The following ZNF143 variants were observed in gnomAD, a reference collection of about 807,000 sequenced individuals.
ZNF143 encodes SPH-binding factor.
In ZNF143, 49 loss-of-function variants were observed where a neutral mutation model predicts 74.1. The observed-to-expected ratio is 0.66, with a 90% confidence interval of 0.53 to 0.84. ZNF143 has a LOEUF of 0.84. Ranked by LOEUF, ZNF143 falls within the 40% of genes least tolerant of loss-of-function variation. ZNF143 has a pLI of 0.00. For synonymous variants in ZNF143, 304 were observed against 282.8 expected (o/e 1.07, Z -0.75); for missense variants, 637 against 793.4 (o/e 0.80, Z 2.37).
intron 7 of ZNF143, among the ~76,000 whole-genome samples, chr11:9,481,870 A>G (rs1193369699): frequency 7.1e-6 from 1 of 140,516 alleles, no homozygotes; most frequent in African/African-American, 2.7e-5. Context: ...CCTGGGCAAC[A>G]GAGTGAGACT....
intron 11 of ZNF143, among the ~76,000 whole-genome samples, chr11:9,506,520 T>C (rs1202028306): frequency 6.6e-6 from 1 of 152,208 alleles, no homozygotes; most frequent in Admixed American, 6.5e-5. Flanking sequence ...TGTATCTCTT[T>C]AAAATAGACT....
rs58704619 is a variant in ZNF143, at chr11:9,483,288, C to CTTTTTTT, written c.645+3762_645+3768dup. Among the ~76,000 whole-genome samples the CTTTTTTT allele has an allele frequency of 3.8e-3, 189 of 50,210 alleles. 54 individuals are homozygous for CTTTTTTT. The highest frequency in any genetic ancestry group is 5.6e-3 in the Non-Finnish European group (156 of 28,068). 32.9% of individuals were successfully genotyped at this position (50,210 alleles called of 152,430 possible). On this transcript the variant is annotated intron_variant, in intron 7 of 15. Coordinates refer to ENST00000396602, the MANE Select transcript of ZNF143 (RefSeq NM_003442.6). ...GGATTACAGGTGTGAGCCAACATGC[C>CTTTTTTT]TTTTTTTTTTTTTTTTTTTTTTTTT...
chr11:9,506,257 A>C (rs947307704), intron 11 of ZNF143, among the ~76,000 whole-genome samples: 2 of 152,126 alleles, frequency 1.3e-5, no homozygotes, highest in Non-Finnish European at 2.9e-5. Flanking sequence ...ACTTGAATCC[A>C]GGAGGTGGAG....
chr11:9,464,367 G>C (rs1590481325), intron 1 of ZNF143, among the ~76,000 whole-genome samples: 1 of 152,192 alleles, frequency 6.6e-6, no homozygotes, highest in Non-Finnish European at 1.5e-5. Context: ...TTGGGAGGCT[G>C]AGGCAGGTGG....
chr11:9,471,855 A>G (rs1452752747), intron 2 of ZNF143, among the ~76,000 whole-genome samples: 2 of 144,398 alleles, frequency 1.4e-5, no homozygotes, highest in African/African-American at 5.1e-5. Flanking sequence ...CCCAGCCTCT[A>G]TGTGTATTTT....
At chr11:9,480,750 G>A (rs1408983474) in intron 7 of ZNF143, among the ~76,000 whole-genome samples, 1 of 151,956 alleles carries the variant, frequency 6.6e-6, no homozygotes, top group African/African-American at 2.4e-5. Flanking sequence ...AGCCAGGTGT[G>A]GTGGCTAGTG....
Position 9,501,129 on chromosome 11 carries a change from C to G in ZNF143, c.1006C>G (p.Arg336Gly). The change falls in exon 11 of 16, where the codon CGG (arginine) becomes GGG (glycine). Residue 336 changes from arginine to glycine, a missense_variant. Physicochemically the swap from Arg to Gly is moderately radical, Grantham distance 125. Transcript: ENST00000396602. Reference sequence around the variant, plus strand: ...TAAGTGTCCCTTCGAAGGCTGCGGTCGGTCCTTTACAACATCAAATATCAG... The same window carrying G: ...TAAGTGTCCCTTCGAAGGCTGCGGTGGGTCCTTTACAACATCAAATATCAG... ...PFKCPFEGCG[R>G]SFTTSNIRKV... The G allele has an allele frequency of 1.9e-6, 3 of 1,614,118 alleles. No homozygotes were observed. Among genetic ancestry groups the G allele is most frequent in the Non-Finnish European group, 2.5e-6 (3 of 1,180,040 alleles).
intron 11 of ZNF143, among the ~76,000 whole-genome samples, chr11:9,506,986 A>G (rs1263205210): frequency 6.6e-6 from 1 of 152,056 alleles, no homozygotes; most frequent in Non-Finnish European, 1.5e-5. Flanking sequence ...GATTTTTCCA[A>G]GTTGAAATTG....
rs551543242 is a variant in ZNF143 at position 9,504,475 on chromosome 11, T to C, written c.1147+3205T>C. Among the ~76,000 whole-genome samples, 227 of 126,038 alleles carry C rather than the reference T, an allele frequency of 1.8e-3. 28 individuals carry two copies. The highest frequency in any genetic ancestry group is 4.9e-3 in the African/African-American group (194 of 39,344). 82.7% of individuals were successfully genotyped at this position (126,038 alleles called of 152,430 possible). On this transcript the variant is annotated intron_variant, in intron 11 of 15. Coordinates refer to ENST00000396602, the MANE Select transcript of ZNF143 (RefSeq NM_003442.6). ...TGGTTTTTTAATTCTCTTAATGATATTTGCAGTATAGAAGCTTTTAATTTT... is the reference window on the plus strand; with the variant it reads ...TGGTTTTTTAATTCTCTTAATGATACTTGCAGTATAGAAGCTTTTAATTTT...
chr11:9,516,345 G>T lies in ZNF143; in HGVS notation c.1669G>T (p.Gly557Cys). The change falls in exon 14 of 16, where the codon GGT (glycine) becomes TGT (cysteine). Residue 557 changes from glycine (G) to cysteine (C), a missense_variant. Physicochemically the swap from Gly to Cys is radical, Grantham distance 159. Around this residue, in one of 2 missense-constraint regions of ZNF143, gnomAD observed 344 missense variants for 485.6 expected, o/e 0.71. Coordinates refer to ENST00000396602, the MANE Select transcript of ZNF143 (RefSeq NM_003442.6). ...CTCTGTTGCTATGGTTACTGCTGAG[G>T]GTACAGAAGGGGAACAGGTAATTAC... The part of the protein sequence containing the change: ...THSVAMVTAE[G>C]TEGEQVAIVA... 4 of 1,612,808 alleles carry T rather than the reference G, an allele frequency of 2.5e-6. No homozygotes were observed. Among genetic ancestry groups the T allele is most frequent in the Non-Finnish European group, 3.4e-6 (4 of 1,179,364 alleles).
chr11:9,500,331 CTTTT>C (rs11327903), intron 10 of ZNF143, among the ~76,000 whole-genome samples: 4 of 143,184 alleles, frequency 2.8e-5, no homozygotes, highest in Non-Finnish European at 4.6e-5. Flanking sequence ...ACTAGATTTT[CTTTT>C]TTTTTTTTTT....
chr11:9,496,357 T>G lies in ZNF143; in HGVS notation c.820T>G (p.Cys274Gly). 1 of 1,614,128 alleles carries G rather than the reference T, an allele frequency of 6.2e-7. No homozygotes were observed. ...GCCTTATCAGTGTGAGCATGCAGGC[T>G]GTGGGAAGGCATTTGCAACAGGTAA... ...DRPYQCEHAGCGKAFATGYGL... is the reference protein window; with the variant it reads ...DRPYQCEHAGGGKAFATGYGL... The change falls in exon 9 of 16, where the codon TGT (cysteine) becomes GGT (glycine). Residue 274 changes from cysteine to glycine, a missense_variant. Coordinates refer to ENST00000396602, the MANE Select transcript of ZNF143 (RefSeq NM_003442.6).
Position 9,501,230 on chromosome 11 carries a change from C to T in ZNF143, c.1107C>T (p.Ala369=), listed in dbSNP as rs1848146113. The change falls in exon 11 of 16, where the codon GCC becomes GCT. Residue 369 remains alanine, a synonymous_variant. Coordinates refer to ENST00000396602, the MANE Select transcript of ZNF143 (RefSeq NM_003442.6). ...AGCCAGGATGTGGGAGGGCATTTGC[C>T]AGTGCAACAAATTATAAAAACCATG... The part of the protein sequence containing the change: ...CTEPGCGRAF[A]SATNYKNHVR... 6.2e-7 allele frequency: 1 copy of T among 1,614,016 alleles called. No individual in the cohort carries two copies. The highest frequency in any genetic ancestry group is 1.3e-5 in the African/African-American group (1 of 74,918).
intron 4 of ZNF143, among the ~76,000 whole-genome samples, 193 bp downstream of exon 4, chr11:9,474,217 G>C (rs892701986): frequency 1.3e-5 from 2 of 152,142 alleles, no homozygotes; most frequent in African/African-American, 4.8e-5. Flanking sequence ...AGAAGTTACT[G>C]GACTGCACTG....
intron 1 of ZNF143, among the ~76,000 whole-genome samples, chr11:9,467,257 A>T (rs182386432): frequency 0.016 from 2,155 of 137,490 alleles, 50 homozygotes; most frequent in African/African-American, 0.055. Context: ...TTTTTTTGAG[A>T]TAGAGTTTTA....
intron 14 of ZNF143, 57 bp from the exon 15 acceptor site, chr11:9,525,183 C>T: frequency 1.3e-6 from 2 of 1,596,912 alleles, no homozygotes; most frequent in South Asian, 1.1e-5. Flanking sequence ...GGACTTTAAC[C>T]TATTTAAATC....
intron 14 of ZNF143, among the ~76,000 whole-genome samples, chr11:9,524,266 CTTCTT>C (rs1358965785): frequency 1.3e-5 from 2 of 152,236 alleles, no homozygotes; most frequent in East Asian, 3.9e-4. Context: ...GTGTGACTCC[CTTCTT>C]TTGAGAATCC....
At chr11:9,509,575 G>A (rs1052545998) in intron 12 of ZNF143, among the ~76,000 whole-genome samples, 1 of 152,170 alleles carries the variant, frequency 6.6e-6, no homozygotes, top group Non-Finnish European at 1.5e-5. Context: ...CCTCCTAAAT[G>A]AAGTAAATTT....
Position 9,527,730 on chromosome 11 carries a change from AT to A in ZNF143, c.*122del. 1.2e-6 allele frequency: 1 copy of A among 848,170 alleles called. No homozygotes were observed. The highest frequency in any genetic ancestry group is 1.9e-6 in the Non-Finnish European group (1 of 532,248). 52.5% of individuals were successfully genotyped at this position (848,170 alleles called of 1,614,324 possible). A position where few individuals can be genotyped will look rare whatever the true frequency, so the allele number is the denominator to read the frequency against. Reference sequence around the variant, plus strand: ...TTTCCATTCCTGATACACTGTACACATTTTTATGCGAGAGTGGAGAACATTT... The same window carrying A: ...TTTCCATTCCTGATACACTGTACACATTTTATGCGAGAGTGGAGAACATTT... On this transcript the variant is annotated 3_prime_UTR_variant, in exon 16 of 16. Coordinates refer to ENST00000396602, the MANE Select transcript of ZNF143 (RefSeq NM_003442.6).
Sources: allele counts gnomAD v4.1 joint callset (sites outside exome capture counted in the v4.1 genomes callset), GRCh38; gene constraint gnomAD v4.1.1; regional missense constraint gnomAD v4.1.1; transcripts MANE v1.5; gene names NCBI Gene and HGNC (gene_info 2026-07-23, HGNC 2026-07-21).